The following PIK3R5 variants were observed in gnomAD, a reference collection of about 807,000 sequenced individuals.
PIK3R5 encodes phosphoinositide 3-kinase regulatory subunit 5.
In PIK3R5, 32 loss-of-function variants were observed where a neutral mutation model predicts 94.9. The observed-to-expected ratio is 0.34, with a 90% CI of 0.25 to 0.45. PIK3R5 has a LOEUF of 0.45. PIK3R5 is among the 20% of genes least tolerant of loss of function. The probability of loss-of-function intolerance (pLI) is 1.00; values close to 1 mark genes in which losing one functional copy is unlikely to be tolerated. For synonymous variants in PIK3R5, 443 were observed against 479.4 expected (o/e 0.92, Z 0.99); for missense variants, 853 against 1,144.6 (o/e 0.75, Z 3.68).
chr17:8,927,053 C>T (rs2090896686), intron 1 of PIK3R5, among the ~76,000 whole-genome samples: 1 of 152,094 alleles, frequency 6.6e-6, no homozygotes, highest in African/African-American at 2.4e-5. Flanking sequence ...AGAAGGCACA[C>T]AGGCTAGGGA....
In PIK3R5 at chr17:8,888,842, C is replaced by A; in HGVS notation, c.945G>T (p.Gly315=). 6.2e-7 allele frequency: 1 copy of A among 1,607,692 alleles called. No homozygotes were observed. ...LLKEQELLQP[G]ILGDDEEEEE... Reference sequence around the variant, plus strand: ...CCTCCTCTTCATCATCTCCCAGGATCCCTGGCTGGAGTAGCTCCTGTTCCT... The same window carrying A: ...CCTCCTCTTCATCATCTCCCAGGATACCTGGCTGGAGTAGCTCCTGTTCCT... The change falls in exon 10 of 19, where the codon GGG becomes GGT. Residue 315 remains glycine, a synonymous_variant. Transcript: ENST00000447110. This position sits in a 1 kb window ranked among gnomAD's most constrained non-coding sequence, Gnocchi z 7.8.
chr17:8,888,824 T>G lies in PIK3R5; in HGVS notation c.963A>C (p.Glu321Asp), dbSNP rs551094338. 6.2e-7 allele frequency: 1 copy of G among 1,609,832 alleles called. No individual in the cohort carries two copies. The highest frequency in any genetic ancestry group is 8.5e-7 in the Non-Finnish European group (1 of 1,179,982). The change falls in exon 10 of 19, where the codon GAA becomes GAC. Residue 321 changes from glutamate to aspartate, a missense_variant. By Grantham distance (45) the Glu-to-Asp change is conservative. Around this residue, in one of 6 missense-constraint regions of PIK3R5, gnomAD observed 161 missense variants for 249.5 expected, o/e 0.65. Coordinates refer to ENST00000447110, the MANE Select transcript of PIK3R5 (RefSeq NM_001142633.3). This position sits in a 1 kb window ranked among gnomAD's most constrained non-coding sequence, Gnocchi z 7.8. ...CCTCCTCCTCCTCCTCTTCCTCCTC[T>G]TCATCATCTCCCAGGATCCCTGGCT... is the stretch of plus-strand genomic sequence containing the variant. ...LLQPGILGDD[E>D]EEEEEEEEVE...
intron 1 of PIK3R5, among the ~76,000 whole-genome samples, chr17:8,949,626 G>T (rs1467462193): frequency 6.6e-6 from 1 of 152,208 alleles, no homozygotes; most frequent in African/African-American, 2.4e-5. Context: ...ACCTGAATAG[G>T]ATTGGACACT....
chr17:8,951,420 C>A (rs1016467610), intron 1 of PIK3R5, among the ~76,000 whole-genome samples: 3 of 152,224 alleles, frequency 2.0e-5, no homozygotes, highest in Non-Finnish European at 4.4e-5. Flanking sequence ...CTTCTCCCCC[C>A]AGCCTCTGGT....
At chr17:8,924,411 T>C (rs935254765) in intron 1 of PIK3R5, among the ~76,000 whole-genome samples, 6 of 152,086 alleles carry the variant, frequency 3.9e-5, no homozygotes, top group Non-Finnish European at 8.8e-5. Flanking sequence ...GGTAGAATCA[T>C]TTCTAGTTTG....
Position 8,904,740 on chromosome 17 carries a change from G to A in PIK3R5, c.412+37C>T. 1 of 1,609,030 alleles carries A rather than the reference G, an allele frequency of 6.2e-7. No homozygotes were observed. Among genetic ancestry groups the A allele is most frequent in the South Asian group, 1.1e-5 (1 of 90,864 alleles). On this transcript the variant is annotated intron_variant, in intron 5 of 18. Coordinates refer to ENST00000447110, the MANE Select transcript of PIK3R5 (RefSeq NM_001142633.3). The surrounding 1 kb of genome is among the most constrained non-coding windows in gnomAD (Gnocchi z 5.1). ...GGAGTTGGAAGCATTCTGACCTTCT[G>A]AGCCCTGTCCCCCGTGCCAGCTGCC...
chr17:8,891,682 C>T (rs1363284089), intron 6 of PIK3R5, among the ~76,000 whole-genome samples: 4 of 151,846 alleles, frequency 2.6e-5, no homozygotes, highest in East Asian at 1.9e-4. Context: ...CTGCAAGCCC[C>T]GCCTCCCGGG....
chr17:8,904,813 G>C lies in PIK3R5; in HGVS notation c.376C>G (p.Leu126Val), dbSNP rs199897595. Residue 126 changes from leucine to valine, a missense_variant, in exon 5 of 19, where the codon CTG becomes GTG. By Grantham distance (32) the Leu-to-Val change is conservative. This residue lies in a region of PIK3R5 where 108 missense variants were observed against 170.1 expected (regional missense o/e 0.63). Transcript: ENST00000447110. The surrounding 1 kb of genome is among the most constrained non-coding windows in gnomAD (Gnocchi z 5.1). ...PVPYCSICQE[L>V]LTFIDAELKA... ...AGTTCAGCATCAATGAAGGTGAGCA[G>C]CTCCTGGCAGATGCTGCAGTAAGGA... is the stretch of plus-strand genomic sequence containing the variant. 1 of 1,614,064 alleles carries C rather than the reference G, an allele frequency of 6.2e-7. No homozygotes were observed. The highest frequency in any genetic ancestry group is 8.5e-7 in the Non-Finnish European group (1 of 1,180,026).
intron 1 of PIK3R5, among the ~76,000 whole-genome samples, chr17:8,965,175 G>T (rs2091646576): frequency 6.6e-6 from 1 of 152,220 alleles, no homozygotes; most frequent in Admixed American, 6.5e-5. Flanking sequence ...CCTTACGCGG[G>T]CACTTCCATG....
intron 1 of PIK3R5, among the ~76,000 whole-genome samples, chr17:8,932,569 T>C (rs965105031): frequency 6.6e-6 from 1 of 152,130 alleles, no homozygotes; most frequent in African/African-American, 2.4e-5. Context: ...AATGGAAATC[T>C]ATTACCAAAA....
chr17:8,929,325 T>A (rs2090946839), intron 1 of PIK3R5, among the ~76,000 whole-genome samples: 1 of 152,046 alleles, frequency 6.6e-6, no homozygotes, highest in Non-Finnish European at 1.5e-5. Context: ...ACTTTATATA[T>A]AAATATATAG....
chr17:8,899,812 G>T (rs1477461888), intron 5 of PIK3R5, among the ~76,000 whole-genome samples: 3 of 152,180 alleles, frequency 2.0e-5, no homozygotes, highest in Non-Finnish European at 4.4e-5. Flanking sequence ...GGCCGAGGTG[G>T]GCGGCTCACA....
At chr17:8,948,607 A>G (rs1232950318) in intron 1 of PIK3R5, among the ~76,000 whole-genome samples, 1 of 152,212 alleles carries the variant, frequency 6.6e-6, no homozygotes, top group African/African-American at 2.4e-5. Flanking sequence ...CATTCCCACC[A>G]CAAGGCAATA....
At position 8,921,852 on chromosome 17, in the gene PIK3R5, A is replaced by G. The variant is rs150116252; in HGVS notation, c.-13-10345T>C. Among the ~76,000 whole-genome samples the G allele has an allele frequency of 2.4e-3, 373 of 152,328 alleles. 1 individual carries two copies. Among genetic ancestry groups the G allele is most frequent in the African/African-American group, 8.4e-3 (349 of 41,572 alleles). On this transcript the variant is annotated intron_variant, in intron 1 of 18. Transcript: ENST00000447110. ...TAGAAGAAAAATTGGGGGAAGCTTC[A>G]TCACATTGGATTTGTCAAAGATTTC...
rs941611373 is a variant in PIK3R5, at chr17:8,935,922, C to T, written c.-13-24415G>A. ...ACAAAAAATTAGCCGGGCGTGGTGG[C>T]GGGCACCTGTAGTCCCAGCTACTCG... On this transcript the variant is annotated intron_variant, in intron 1 of 18. Transcript: ENST00000447110. This position sits in a 1 kb window ranked among gnomAD's most constrained non-coding sequence, Gnocchi z 4.5. Among the ~76,000 whole-genome samples, 9 of 151,922 alleles carry T rather than the reference C, an allele frequency of 5.9e-5. No homozygotes were observed. The highest frequency in any genetic ancestry group is 1.7e-4 in the African/African-American group (7 of 41,350).
chr17:8,899,927 A>C (rs2090243461), intron 5 of PIK3R5, among the ~76,000 whole-genome samples: 1 of 151,942 alleles, frequency 6.6e-6, no homozygotes, highest in Non-Finnish European at 1.5e-5. Context: ...AGTCCCAGCT[A>C]CTCGGGAAGC....
chr17:8,905,913 T>C (rs1300237450), intron 3 of PIK3R5, among the ~76,000 whole-genome samples, 176 bp from the exon 4 acceptor site: 2 of 151,846 alleles, frequency 1.3e-5, no homozygotes, highest in Non-Finnish European at 2.9e-5. Context: ...ACACTTACAA[T>C]TTCCCCTCCC....
Position 8,884,871 on chromosome 17 carries a change from TC to T in PIK3R5, c.2129-89del. The T allele has an allele frequency of 9.7e-7, 1 of 1,032,636 alleles. No homozygotes were observed. The highest frequency in any genetic ancestry group is 1.5e-6 in the Non-Finnish European group (1 of 667,324). 64.0% of individuals were successfully genotyped at this position (1,032,636 alleles called of 1,614,324 possible). A position where few individuals can be genotyped will look rare whatever the true frequency, so the allele number is the denominator to read the frequency against. ...TGGCCTTGCCTCCCTGGGCCTTACC[TC>T]CCCATCCCCTACCACATGGACCGTG... On this transcript the variant is annotated intron_variant, in intron 14 of 18. Coordinates refer to ENST00000447110, the MANE Select transcript of PIK3R5 (RefSeq NM_001142633.3). This position sits in a 1 kb window ranked among gnomAD's most constrained non-coding sequence, Gnocchi z 5.8.
intron 1 of PIK3R5, among the ~76,000 whole-genome samples, chr17:8,939,550 G>A (rs1460845130): frequency 6.6e-6 from 1 of 152,172 alleles, no homozygotes; most frequent in African/African-American, 2.4e-5. Flanking sequence ...ACGTAGTAAA[G>A]AGCATGAATG....
Sources: gnomAD v4.1 joint callset for allele counts (sites outside exome capture counted in the v4.1 genomes callset) on GRCh38, gnomAD v4.1.1 for gene constraint, gnomAD v4.1.1 regional missense constraint, Gnocchi (gnomAD v3.1) non-coding constraint, MANE v1.5 for transcripts, NCBI Gene and HGNC (gene_info 2026-07-23, HGNC 2026-07-21) for gene names.